CFH: variants seen among roughly 807,000 people sequenced by gnomAD.
CFH encodes the protein complement factor H, also known as H factor 1 (complement).
Under a neutral mutation model 147.3 loss-of-function variants are expected in CFH, and 53 were observed. The ratio of observed to expected loss-of-function variants is 0.36; its 90% CI spans 0.29 to 0.45. The LOEUF (loss-of-function observed/expected upper bound fraction) is 0.45, where lower values mean the gene tolerates loss of function less well. Ranked by LOEUF, CFH falls within the 20% of genes least tolerant of loss-of-function variation. CFH has a pLI of 1.00. For missense variants in CFH, 1,380 were observed against 1,498.0 expected, an observed-to-expected ratio of 0.92 and a Z score of 1.30; for synonymous variants, 536 against 489.4, an observed-to-expected ratio of 1.10 and a Z score of -1.26.
At chr1:196,705,484 A>T (rs1279391444) in intron 9 of CFH, among the ~76,000 whole-genome samples, 1 of 152,212 alleles carries the variant, frequency 6.6e-6, no homozygotes. Context: ...TCTAGAATGG[A>T]CAAGGAATGT....
At chr1:196,696,755 T>C (rs569077364) in intron 9 of CFH, among the ~76,000 whole-genome samples, 9 of 152,264 alleles carry the variant, frequency 5.9e-5, no homozygotes, top group Non-Finnish European at 1.0e-4. Flanking sequence ...CTTCAAACTA[T>C]ACTACAAGCC....
chr1:196,737,220 T>A (rs1391115534), intron 16 of CFH, among the ~76,000 whole-genome samples: 1 of 152,192 alleles, frequency 6.6e-6, no homozygotes, highest in Non-Finnish European at 1.5e-5. Flanking sequence ...AAATGTCAGA[T>A]AACATTTCCA....
At chr1:196,717,290 T>C (rs954793677) in intron 11 of CFH, among the ~76,000 whole-genome samples, 6 of 152,150 alleles carry the variant, frequency 3.9e-5, no homozygotes, top group African/African-American at 1.2e-4. Flanking sequence ...AAATGTCACA[T>C]ATTTACAAAC....
At position 196,652,197 on chromosome 1, in the gene CFH, T is replaced by C. The variant is rs1033789230; in HGVS notation, c.58+22T>C. 4.5e-6 allele frequency: 7 copies of C among 1,552,818 alleles called. No homozygotes were observed. The Admixed American group carries it at 1.0e-4, about 22-fold the overall frequency. Reference sequence around the variant, plus strand: ...GAAGGTAAGATTAAAAGAGACTCTTTTCTGAAAACTGTATTATGAAACATT... The same window carrying C: ...GAAGGTAAGATTAAAAGAGACTCTTCTCTGAAAACTGTATTATGAAACATT... On this transcript the variant is annotated intron_variant, in intron 1 of 21. Coordinates refer to ENST00000367429, the MANE Select transcript of CFH (RefSeq NM_000186.4).
At chr1:196,687,750 A>G (rs1462945353) in intron 7 of CFH, among the ~76,000 whole-genome samples, 11 of 152,232 alleles carry the variant, frequency 7.2e-5, no homozygotes, top group African/African-American at 2.6e-4. Context: ...CCAAATCTTT[A>G]AAAAGTGGTG....
At chr1:196,665,718 C>T (rs1487726301) in intron 1 of CFH, among the ~76,000 whole-genome samples, 1 of 152,156 alleles carries the variant, frequency 6.6e-6, no homozygotes, top group East Asian at 1.9e-4. Context: ...AGAGATTCTC[C>T]TGCCTCACGC....
At chr1:196,692,739 CCTTT>C (rs1344901155) in intron 9 of CFH, among the ~76,000 whole-genome samples, 9 of 133,206 alleles carry the variant, frequency 6.8e-5, no homozygotes, top group Admixed American at 5.5e-4. Context: ...TCTTTCCCTT[CCTTT>C]CTTTTTCTTT....
rs1182234991 is a variant in CFH, at chr1:196,677,507, G to A, written c.459G>A (p.Glu153=). The A allele has an allele frequency of 4.3e-6, 7 of 1,612,986 alleles. No homozygotes were observed. Among genetic ancestry groups the A allele is most frequent in the East Asian group, 2.2e-5 (1 of 44,790 alleles). ...VVKCLPVTAP[E]NGKIVSSAME... is the part of the protein sequence containing the mutation. ...AGTGTTTACCAGTGACAGCACCAGA[G>A]AATGGAAAAATTGTCAGTAGTGCAA... Residue 153 remains glutamate (E), a synonymous_variant, in exon 5 of 22, where the codon GAG becomes GAA. Transcript: ENST00000367429.
intron 10 of CFH, among the ~76,000 whole-genome samples, chr1:196,714,953 T>C (rs1408434957): frequency 1.3e-5 from 2 of 151,622 alleles, no homozygotes; most frequent in Non-Finnish European, 2.9e-5. Context: ...CTCCTGCCTC[T>C]CAGTAATATA....
chr1:196,680,110 C>G (rs1667599399), intron 6 of CFH, among the ~76,000 whole-genome samples: 1 of 151,662 alleles, frequency 6.6e-6, no homozygotes, highest in Non-Finnish European at 1.5e-5. Flanking sequence ...ACATACAATT[C>G]TCAAACAAGT....
chr1:196,661,238 C>T (rs904928653), intron 1 of CFH, among the ~76,000 whole-genome samples: 15 of 152,108 alleles, frequency 9.9e-5, no homozygotes, highest in African/African-American at 3.4e-4. Flanking sequence ...AATTAGTGCC[C>T]ATAAAAACTT....
At chr1:196,681,340 A>T (rs1667648466) in intron 6 of CFH, among the ~76,000 whole-genome samples, 1 of 149,392 alleles carries the variant, frequency 6.7e-6, no homozygotes, top group African/African-American at 2.4e-5. Flanking sequence ...CGTCTCTTTT[A>T]CTTCTTCACT....
rs543841881 is a variant in CFH, at chr1:196,722,048, G to A, written c.1697-3073G>A. On this transcript the variant is annotated intron_variant, in intron 11 of 21. Coordinates refer to ENST00000367429, the MANE Select transcript of CFH (RefSeq NM_000186.4). ...AACATTTAATCTATTTATGTTAAAA[G>A]TTAATATTGTCATGTGAGGTTTTGT... 2.0e-5 allele frequency among the ~76,000 whole-genome samples: 3 copies of A among 152,104 alleles called. No individual in the cohort carries two copies. The South Asian group carries it at 6.2e-4, about 32-fold the overall frequency.
intron 3 of CFH, among the ~76,000 whole-genome samples, chr1:196,675,218 A>G (rs1667414822): frequency 1.3e-5 from 2 of 152,298 alleles, no homozygotes; most frequent in African/African-American, 4.8e-5. Context: ...CACATTTTGC[A>G]CATGTCCCAG....
rs1244751243 is a variant in CFH, at chr1:196,714,700, GA to G, written c.1519+784del. 4.1e-4 allele frequency among the ~76,000 whole-genome samples: 50 copies of G among 120,628 alleles called. 4 individuals carry two copies. Among genetic ancestry groups the G allele is most frequent in the African/African-American group, 6.7e-4 (21 of 31,448 alleles). The allele number at this position is 120,628 out of a possible 152,430, so 79.1% of individuals were successfully genotyped here. ...AGAGAGAGAGAGAGAGAGAGAGAGAGAGAGAGAGAGAGAGAGAGATGGAGTC... is the reference window on the plus strand; with the variant it reads ...AGAGAGAGAGAGAGAGAGAGAGAGAGGAGAGAGAGAGAGAGAGATGGAGTC... On this transcript the variant is annotated intron_variant, in intron 10 of 21. Coordinates refer to ENST00000367429, the MANE Select transcript of CFH (RefSeq NM_000186.4).
intron 1 of CFH, among the ~76,000 whole-genome samples, chr1:196,658,126 T>C (rs1316811316): frequency 6.6e-6 from 1 of 152,108 alleles, no homozygotes; most frequent in Admixed American, 6.6e-5. Context: ...ATTTTTAGCT[T>C]TGACCAAAAT....
rs978428724 is a variant in CFH, at chr1:196,728,285, A to G, written c.2237-61A>G. ...TACTATTTACTTTATAACTATTTTT[A>G]TGTAATAGTTGGTTTGATTCCTATC... On this transcript the variant is annotated intron_variant, in intron 14 of 21. Coordinates refer to ENST00000367429, the MANE Select transcript of CFH (RefSeq NM_000186.4). The G allele has an allele frequency of 2.7e-6, 3 of 1,105,572 alleles. No homozygotes were observed. In the African/African-American group the frequency reaches 4.8e-5, roughly 18 times the overall value. The allele number at this position is 1,105,572 out of a possible 1,614,324, so 68.5% of individuals were successfully genotyped here.
At chr1:196,671,766 T>C (rs1445242703) in intron 1 of CFH, among the ~76,000 whole-genome samples, 1 of 149,812 alleles carries the variant, frequency 6.7e-6, no homozygotes, top group Non-Finnish European at 1.5e-5. Context: ...ATATGATATA[T>C]ATATAATAAA....
chr1:196,692,711 T>TGTTTCTTC (rs1558163441), intron 9 of CFH, among the ~76,000 whole-genome samples: 13 of 16,246 alleles, frequency 8.0e-4, no homozygotes, highest in African/African-American at 5.8e-3. Context: ...CCTTTCTTTT[T>TGTTTCTTC]CTTTCTTTCT....
Sources: gnomAD v4.1 joint callset for allele counts (sites outside exome capture counted in the v4.1 genomes callset) on GRCh38, gnomAD v4.1.1 for gene constraint, MANE v1.5 for transcripts, NCBI Gene and HGNC (gene_info 2026-07-23, HGNC 2026-07-21) for gene names.